The following SEH1L variants were observed in gnomAD, a reference collection of about 807,000 sequenced individuals.
The protein encoded by SEH1L is nucleoporin SEH1.
Under a neutral mutation model 49.5 loss-of-function variants are expected in SEH1L, and 18 were observed. The observed-to-expected ratio is 0.36, with a 90% CI of 0.25 to 0.54. The LOEUF (loss-of-function observed/expected upper bound fraction) is 0.54. SEH1L is among the 20% of genes least tolerant of loss of function. The pLI, the probability that SEH1L is intolerant of heterozygous loss-of-function variation, is 0.87. For synonymous variants in SEH1L, 169 were observed against 178.1 expected (o/e 0.95, Z 0.41); for missense variants, 404 against 528.8 (o/e 0.76, Z 2.31).
rs563340252 is a variant in SEH1L, at chr18:12,959,583, CATTTCAG to C, written c.310-3565_310-3559del. Among the ~76,000 whole-genome samples, 302 of 152,268 alleles carry C rather than the reference CATTTCAG, an allele frequency of 2.0e-3. 1 individual carries two copies. The highest frequency in any genetic ancestry group is 0.017 in the Middle Eastern group (5 of 294). ...GCTCAAAAAGTTTTGGAGTTTGGAG[CATTTCAG>C]ATTTCAGATTTTTGGATTTGATATG... On this transcript the variant is annotated intron_variant, in intron 3 of 8. Coordinates refer to ENST00000399892, the MANE Select transcript of SEH1L (RefSeq NM_001013437.2).
chr18:12,956,987 G>T (rs1332389120), intron 3 of SEH1L, among the ~76,000 whole-genome samples: 1 of 151,732 alleles, frequency 6.6e-6, no homozygotes, highest in East Asian at 1.9e-4. Context: ...AGAATGGTGT[G>T]AACCCGGGAG....
At chr18:12,964,522 T>C (rs1158474376) in intron 4 of SEH1L, 1 of 152,108 alleles carries the variant, frequency 6.6e-6, no homozygotes, top group Non-Finnish European at 1.5e-5. Context: ...ATCTTATTTG[T>C]GGTGATGTTG....
intron 4 of SEH1L, among the ~76,000 whole-genome samples, chr18:12,969,577 A>G (rs1025543607): frequency 6.6e-6 from 1 of 151,968 alleles, no homozygotes; most frequent in Non-Finnish European, 1.5e-5. Context: ...AATCCCAGCC[A>G]CTTGGGAGGC....
chr18:12,978,787 C>A lies in SEH1L; in HGVS notation c.656C>A (p.Thr219Asn). The A allele has an allele frequency of 6.2e-7, 1 of 1,613,510 alleles. No homozygotes were observed. The highest frequency in any genetic ancestry group is 2.2e-5 in the East Asian group (1 of 44,880). Residue 219 changes from threonine (T) to asparagine (N), a missense_variant, in exon 6 of 9, where the codon ACT becomes AAT. Thr to Asn is a moderately conservative substitution (Grantham distance 65). Transcript: ENST00000399892. Reference sequence around the variant, plus strand: ...AAAGCTGAAACTCTTATGACAGTCACTGATCCTGTTCATGATATTGCATTC... The same window carrying A: ...AAAGCTGAAACTCTTATGACAGTCAATGATCCTGTTCATGATATTGCATTC... Reference protein sequence around the residue: ...YAKAETLMTVTDPVHDIAFAP... With the variant: ...YAKAETLMTVNDPVHDIAFAP...
intron 4 of SEH1L, among the ~76,000 whole-genome samples, chr18:12,969,110 T>C (rs2031574276): frequency 6.8e-6 from 1 of 147,370 alleles, no homozygotes; most frequent in Non-Finnish European, 1.5e-5. Context: ...CTCAGGAGGC[T>C]GAGGCAGGAG....
intron 8 of SEH1L, chr18:12,985,376 T>C: frequency 6.8e-7 from 1 of 1,476,854 alleles, no homozygotes; most frequent in Non-Finnish European, 9.0e-7. Flanking sequence ...ACCAGCAGCC[T>C]GCTTACTACT....
intron 2 of SEH1L, among the ~76,000 whole-genome samples, chr18:12,954,512 G>C (rs2030737142): frequency 1.3e-5 from 2 of 152,150 alleles, no homozygotes; most frequent in South Asian, 4.1e-4. Context: ...TGTCACCCAG[G>C]CTGGAGTGCA....
At chr18:12,982,777 A>C in intron 7 of SEH1L, 102 bp downstream of exon 7, 1 of 890,910 alleles carries the variant, frequency 1.1e-6, no homozygotes, top group Non-Finnish European at 1.7e-6. Flanking sequence ...GGTCTTTTAC[A>C]GTTACTTTTA....
At chr18:12,984,633 T>C (rs1260529765) in intron 8 of SEH1L, 1 of 155,252 alleles carries the variant, frequency 6.4e-6, no homozygotes, top group African/African-American at 2.4e-5. Flanking sequence ...GTTATTTGGC[T>C]TTTGTGTTTA....
chr18:12,964,303 A>T (rs1489787603), intron 4 of SEH1L: 1 of 152,198 alleles, frequency 6.6e-6, no homozygotes, highest in Non-Finnish European at 1.5e-5. Context: ...CTGTTTTCAG[A>T]CTTTAATTCT....
At chr18:12,973,932 GA>G (rs940706466) in intron 5 of SEH1L, 7 of 152,072 alleles carry the variant, frequency 4.6e-5, no homozygotes, top group Admixed American at 4.6e-4. Flanking sequence ...GGGTATTCTA[GA>G]AAAAAACACC....
intron 5 of SEH1L, chr18:12,976,085 T>C (rs2031905364): frequency 6.4e-6 from 1 of 156,640 alleles, no homozygotes. Flanking sequence ...GCATTATCAC[T>C]CAGTGGCTGA....
chr18:12,975,817 T>C (rs2031895360), intron 5 of SEH1L: 2 of 985,794 alleles, frequency 2.0e-6, no homozygotes, highest in African/African-American at 1.7e-5. Context: ...AATGAGGACA[T>C]GCACTGTGGC....
chr18:12,977,870 C>T, intron 5 of SEH1L: 1 of 151,470 alleles, frequency 6.6e-6, no homozygotes. Context: ...ACTGTGTTGC[C>T]CAGGCTGGAG....
intron 1 of SEH1L, among the ~76,000 whole-genome samples, chr18:12,951,509 G>A (rs2030523956): frequency 6.6e-6 from 1 of 152,186 alleles, no homozygotes; most frequent in South Asian, 2.1e-4. Flanking sequence ...TCTTGCCTCA[G>A]CCTCCCTAGT....
At chr18:12,949,341 C>T (rs1296974425) in intron 1 of SEH1L, among the ~76,000 whole-genome samples, 7 of 150,236 alleles carry the variant, frequency 4.7e-5, no homozygotes, top group Admixed American at 1.3e-4. Flanking sequence ...TACCAGTGAT[C>T]TCTCAAAGAT....
At chr18:12,979,701 A>AC (rs1355968919) in intron 6 of SEH1L, among the ~76,000 whole-genome samples, 5 of 131,470 alleles carry the variant, frequency 3.8e-5, no homozygotes, top group South Asian at 2.5e-4. Flanking sequence ...CGGGGGGCTG[A>AC]CCCCCCCACC....
chr18:12,971,274 TAATTGTTCAG>T, intron 5 of SEH1L, 23 bp downstream of exon 5: 1 of 1,435,188 alleles, frequency 7.0e-7, no homozygotes, highest in Non-Finnish European at 9.8e-7. Flanking sequence ...TTGGTTTTAA[TAATTGTTCAG>T]AATTGCATTT....
At chr18:12,953,679 T>A (rs2030685435) in intron 2 of SEH1L, among the ~76,000 whole-genome samples, 1 of 152,182 alleles carries the variant, frequency 6.6e-6, no homozygotes, top group Admixed American at 6.5e-5. Flanking sequence ...TAAGGTGAGG[T>A]TAACTTATAA....
Sources: allele counts gnomAD v4.1 joint callset (sites outside exome capture counted in the v4.1 genomes callset), GRCh38; gene constraint gnomAD v4.1.1; transcripts MANE v1.5; gene names NCBI Gene and HGNC (gene_info 2026-07-23, HGNC 2026-07-21).